The following PEAK1 variants were observed in gnomAD, a reference collection of about 807,000 sequenced individuals.
The protein encoded by PEAK1 is pseudopodium enriched atypical kinase 1.
A neutral mutation model predicts 124.7 loss-of-function variants in PEAK1; 54 were observed. The observed-to-expected ratio is 0.43, with a 90% CI of 0.35 to 0.54. The LOEUF (loss-of-function observed/expected upper bound fraction) is 0.54, where lower values mean the gene tolerates loss of function less well. PEAK1 is among the 20% of genes least tolerant of loss of function. The pLI, the probability that PEAK1 is intolerant of heterozygous loss-of-function variation, is 0.01. For synonymous variants in PEAK1, 719 were observed against 760.0 expected, an observed-to-expected ratio of 0.95 and a Z score of 0.89; for missense variants, 2,046 against 2,134.5, an observed-to-expected ratio of 0.96 and a Z score of 0.82.
At chr15:77,205,128 C>T in intron 6 of PEAK1, 1 of 271,780 alleles carries the variant, frequency 3.7e-6, no homozygotes, top group Admixed American at 5.2e-5. Context: ...TATCAGTGGT[C>T]ACTATTTCTC....
At chr15:77,346,998 T>G (rs2066911345) in intron 2 of PEAK1, among the ~76,000 whole-genome samples, 1 of 152,138 alleles carries the variant, frequency 6.6e-6, no homozygotes, top group South Asian at 2.1e-4. Context: ...AGGAAGCCTC[T>G]TTGAAGAGGG....
chr15:77,248,680 T>C (rs2060703638), intron 6 of PEAK1, among the ~76,000 whole-genome samples: 1 of 152,190 alleles, frequency 6.6e-6, no homozygotes, highest in Non-Finnish European at 1.5e-5. Context: ...TTCAGAACCA[T>C]GAGAAATAAA....
At chr15:77,414,212 T>TCCTTCTGTC (rs2072682544) in intron 1 of PEAK1, among the ~76,000 whole-genome samples, 1 of 142,078 alleles carries the variant, frequency 7.0e-6, no homozygotes, top group Non-Finnish European at 1.5e-5. Flanking sequence ...TCCTTCTTTT[T>TCCTTCTGTC]TTTTTTTTTT....
At chr15:77,351,797 A>G in intron 2 of PEAK1, 1 of 985,480 alleles carries the variant, frequency 1.0e-6, no homozygotes, top group South Asian at 4.7e-5. Flanking sequence ...AATGTGGAGC[A>G]CTGAAAAGTT....
At chr15:77,213,107 G>A (rs963464882) in intron 6 of PEAK1, among the ~76,000 whole-genome samples, 2 of 152,128 alleles carry the variant, frequency 1.3e-5, no homozygotes, top group Non-Finnish European at 2.9e-5. Context: ...AGAAAAGACT[G>A]AAATCCAATT....
intron 1 of PEAK1, among the ~76,000 whole-genome samples, chr15:77,374,193 A>G (rs1001190220): frequency 3.3e-5 from 5 of 152,198 alleles, no homozygotes; most frequent in Admixed American, 2.6e-4. Context: ...GGAGGAGCAC[A>G]GTGATTAATT....
In PEAK1 at chr15:77,179,886, T is replaced by C; in HGVS notation, c.2041A>G (p.Lys681Glu). ...TTAGTTTGAAGACAGTCAGTGGTTT[T>C]GCTAGTGGTGTTATCAGGCACTTTG... Reference protein sequence around the residue: ...ESKVPDNTTSKTTDCLQTKGF... With the variant: ...ESKVPDNTTSETTDCLQTKGF... Residue 681 changes from lysine (K) to glutamate (E), a missense_variant, in exon 7 of 10, where the codon AAA becomes GAA. Coordinates refer to ENST00000682557, the MANE Select transcript of PEAK1 (RefSeq NM_001385026.1). 1.2e-6 allele frequency: 2 copies of C among 1,614,196 alleles called. No individual in the cohort carries two copies. Among genetic ancestry groups the C allele is most frequent in the Non-Finnish European group, 1.7e-6 (2 of 1,180,006 alleles).
At chr15:77,266,326 G>T (rs1465243828) in intron 5 of PEAK1, among the ~76,000 whole-genome samples, 1 of 151,796 alleles carries the variant, frequency 6.6e-6, no homozygotes, top group Admixed American at 6.6e-5. Flanking sequence ...TTACTCCTAG[G>T]TATTTACTCC....
chr15:77,405,739 G>T (rs17470855), intron 1 of PEAK1, among the ~76,000 whole-genome samples: 1 of 152,074 alleles, frequency 6.6e-6, no homozygotes, highest in Non-Finnish European at 1.5e-5. Flanking sequence ...CTAGGGACAA[G>T]ATTTTTTGCT....
chr15:77,105,320 GTGTGTGTGT>G (rs2050737520), downstream of PEAK1: 3 of 24,948 alleles, frequency 1.2e-4, no homozygotes, highest in African/African-American at 4.2e-4. Flanking sequence ...ATTAGTTGGT[GTGTGTGTGT>G]GTGTGTGTGT....
At chr15:77,146,291 T>C (rs762304456) in intron 8 of PEAK1, among the ~76,000 whole-genome samples, 1 of 152,122 alleles carries the variant, frequency 6.6e-6, no homozygotes, top group Non-Finnish European at 1.5e-5. Context: ...TAGTCAAATA[T>C]AAGCAACAAC....
chr15:77,134,291 AT>A (rs1269770626), intron 8 of PEAK1, among the ~76,000 whole-genome samples: 1 of 152,202 alleles, frequency 6.6e-6, no homozygotes, highest in Non-Finnish European at 1.5e-5. Context: ...TGCATATAAC[AT>A]TTTCCAACAC....
In PEAK1 at chr15:77,179,008, C is replaced by A. The variant is rs770319418; in HGVS notation, c.2919G>T (p.Trp973Cys). Residue 973 changes from tryptophan (W) to cysteine (C), a missense_variant, in exon 7 of 10, where the codon TGG becomes TGT. Trp to Cys is a radical substitution (Grantham distance 215, BLOSUM62 -2). Transcript: ENST00000682557. ...LPPPPVQRHHWFTEAKGESSE... is the reference protein window; with the variant it reads ...LPPPPVQRHHCFTEAKGESSE... ...TGGACTCTCCTTTCGCCTCTGTGAACCAGTGATGGCGCTGAACTGGAGGAG... is the reference window on the plus strand; with the variant it reads ...TGGACTCTCCTTTCGCCTCTGTGAAACAGTGATGGCGCTGAACTGGAGGAG... 3 of 1,614,116 alleles carry A rather than the reference C, an allele frequency of 1.9e-6. No homozygotes were observed. The highest frequency in any genetic ancestry group is 2.5e-6 in the Non-Finnish European group (3 of 1,180,020).
Position 77,204,880 on chromosome 15 carries a change from G to A in PEAK1, c.-114-22840C>T, listed in dbSNP as rs543603649. Reference sequence around the variant, plus strand: ...GATTGTGCCACTGCACTCCAGCCCCGGCAACAGAGTGAGACTCTGTCCAAA... The same window carrying A: ...GATTGTGCCACTGCACTCCAGCCCCAGCAACAGAGTGAGACTCTGTCCAAA... On this transcript the variant is annotated intron_variant, in intron 6 of 9. Coordinates refer to ENST00000682557, the MANE Select transcript of PEAK1 (RefSeq NM_001385026.1). 35 of 170,568 alleles carry A rather than the reference G, an allele frequency of 2.1e-4. 2 individuals are homozygous for A. The East Asian group carries it at 4.2e-3, about 21-fold the overall frequency. 10.6% of individuals were successfully genotyped at this position (170,568 alleles called of 1,614,324 possible).
Position 77,180,162 on chromosome 15 carries a change from T to A in PEAK1, c.1765A>T (p.Asn589Tyr). The A allele has an allele frequency of 1.2e-6, 2 of 1,614,092 alleles. No homozygotes were observed. Among genetic ancestry groups the A allele is most frequent in the Non-Finnish European group, 1.7e-6 (2 of 1,179,962 alleles). The change falls in exon 7 of 10, where the codon AAT (asparagine) becomes TAT (tyrosine). Residue 589 changes from asparagine to tyrosine, a missense_variant. Physicochemically the swap from Asn to Tyr is moderately radical, Grantham distance 143. Coordinates refer to ENST00000682557, the MANE Select transcript of PEAK1 (RefSeq NM_001385026.1). ...CTATTAAATTTAATTTCAGACAAAT[T>A]AGGTGACTTAACAGGGATGGTTTTG... is the stretch of plus-strand genomic sequence containing the variant. ...SSKTIPVKSP[N>Y]LSEIKFNSYN... is the part of the protein sequence containing the mutation.
intron 6 of PEAK1, among the ~76,000 whole-genome samples, chr15:77,201,232 C>CTTTTTT (rs11363810): frequency 2.3e-4 from 18 of 77,246 alleles, no homozygotes; most frequent in East Asian, 5.1e-4. Flanking sequence ...GCCTTTGTGT[C>CTTTTTT]TTTTTTTTTT....
intron 9 of PEAK1, among the ~76,000 whole-genome samples, chr15:77,130,444 C>T (rs560986982): frequency 6.6e-6 from 1 of 152,268 alleles, no homozygotes; most frequent in African/African-American, 2.4e-5. Context: ...AGCTGGAGCA[C>T]AGGGTTACTC....
chr15:77,366,849 A>G (rs529062945), intron 1 of PEAK1, among the ~76,000 whole-genome samples: 2 of 152,342 alleles, frequency 1.3e-5, no homozygotes, highest in South Asian at 2.1e-4. Flanking sequence ...GGCATGATCC[A>G]TACGCCCAGC....
intron 2 of PEAK1, among the ~76,000 whole-genome samples, chr15:77,293,915 G>A (rs889623953): frequency 2.6e-5 from 4 of 152,150 alleles, no homozygotes; most frequent in Non-Finnish European, 4.4e-5. Flanking sequence ...TCTAGGATTA[G>A]TACAGAGGCT....
Sources: gnomAD v4.1 joint callset for allele counts (sites outside exome capture counted in the v4.1 genomes callset) on GRCh38, gnomAD v4.1.1 for gene constraint, MANE v1.5 for transcripts, NCBI Gene and HGNC (gene_info 2026-07-23, HGNC 2026-07-21) for gene names.